The following SCN3A variants were observed in gnomAD, a reference collection of about 807,000 sequenced individuals.
SCN3A encodes sodium voltage-gated channel alpha subunit 3, also known as sodium channel protein type 3 subunit alpha.
Under a neutral mutation model 187.6 loss-of-function variants are expected in SCN3A, and 60 were observed. The ratio of observed to expected loss-of-function variants is 0.32; its 90% CI spans 0.26 to 0.40. The LOEUF is 0.40. Ranked by LOEUF, SCN3A falls within the 10% of genes least tolerant of loss-of-function variation. The pLI, the probability that SCN3A is intolerant of heterozygous loss-of-function variation, is 1.00. For missense variants in SCN3A, 1,601 were observed against 2,428.2 expected, an observed-to-expected ratio of 0.66 and a Z score of 7.16; for synonymous variants, 788 against 829.2, an observed-to-expected ratio of 0.95 and a Z score of 0.85.
rs560123974 is a variant in SCN3A at position 165,105,424 on chromosome 2, G to A, written c.3844-5000C>T. Among the ~76,000 whole-genome samples the A allele has an allele frequency of 9.2e-5, 14 of 152,166 alleles. No homozygotes were observed. In the South Asian group the frequency reaches 2.7e-3, roughly 29 times the overall value. On this transcript the variant is annotated intron_variant, in intron 21 of 27. Coordinates refer to ENST00000283254, the MANE Select transcript of SCN3A (RefSeq NM_006922.4). Reference sequence around the variant, plus strand: ...AGTATTTCTTAGGACAAGGGCACCCGGAATTTCAGATTGCTAGCTGCACAC... The same window carrying A: ...AGTATTTCTTAGGACAAGGGCACCCAGAATTTCAGATTGCTAGCTGCACAC...
intron 8 of SCN3A, 53 bp downstream of exon 8, chr2:165,162,503 A>C (rs1162324933): frequency 1.9e-5 from 30 of 1,609,444 alleles, no homozygotes; most frequent in Non-Finnish European, 6.8e-6. Context: ...AACTATTTAT[A>C]GTTGAAAATT....
Position 165,100,505 on chromosome 2 carries a change from T to C in SCN3A, c.3844-81A>G. The C allele has an allele frequency of 4.2e-6, 6 of 1,431,836 alleles. No individual in the cohort carries two copies. In the Admixed American group the frequency reaches 7.6e-5, roughly 18 times the overall value. 88.7% of individuals were successfully genotyped at this position (1,431,836 alleles called of 1,614,324 possible). On this transcript the variant is annotated intron_variant, in intron 21 of 27. Transcript: ENST00000283254. ...GGTATAGGGTGTGGTATCTATTTAA[T>C]GCAGACTAAATACTAATTTGGACAT...
Position 165,131,426 on chromosome 2 carries a change from TAG to T in SCN3A, c.2392-11_2392-10del. ...AAAATCCCAGTAAAGACCTAAAAAA[TAG>T]AGATCAGCACTACTTCAAGAGCACT... is the stretch of plus-strand genomic sequence containing the variant. On this transcript the variant is annotated splice_polypyrimidine_tract_variant and intron_variant, in intron 15 of 27. Coordinates refer to ENST00000283254, the MANE Select transcript of SCN3A (RefSeq NM_006922.4). 1.2e-6 allele frequency: 2 copies of T among 1,601,018 alleles called. No homozygotes were observed. The highest frequency in any genetic ancestry group is 1.7e-6 in the Non-Finnish European group (2 of 1,171,908).
intron 12 of SCN3A, among the ~76,000 whole-genome samples, chr2:165,144,610 A>G (rs1241302117): frequency 6.6e-6 from 1 of 152,146 alleles, no homozygotes; most frequent in Non-Finnish European, 1.5e-5. Flanking sequence ...AATCTTTCCC[A>G]AAATGTCTTA....
chr2:165,168,755 C>T lies in SCN3A; in HGVS notation c.454G>A (p.Asp152Asn). 4 of 1,610,542 alleles carry T rather than the reference C, an allele frequency of 2.5e-6. No individual in the cohort carries two copies. Among genetic ancestry groups the T allele is most frequent in the Non-Finnish European group, 3.4e-6 (4 of 1,176,990 alleles). Reference sequence around the variant, plus strand: ...ACTTACTCTACATTCTTTGTCCAGTCAGGAGGGTTGCTCAAGGTCATAAAT... The same window carrying T: ...ACTTACTCTACATTCTTTGTCCAGTTAGGAGGGTTGCTCAAGGTCATAAAT... ...CVFMTLSNPP[D>N]WTKNVEYTFT... The change falls in exon 5 of 28, where the codon GAC becomes AAC. Residue 152 changes from aspartate (D) to asparagine (N), a missense_variant. Coordinates refer to ENST00000283254, the MANE Select transcript of SCN3A (RefSeq NM_006922.4).
intron 18 of SCN3A, among the ~76,000 whole-genome samples, chr2:165,121,152 A>G (rs1200050165): frequency 3.3e-5 from 5 of 152,058 alleles, no homozygotes; most frequent in African/African-American, 9.7e-5. Context: ...TCACACACCC[A>G]TCTGCTCCTC....
intron 18 of SCN3A, among the ~76,000 whole-genome samples, chr2:165,123,753 T>C (rs1394291324): frequency 3.3e-5 from 5 of 152,182 alleles, no homozygotes; most frequent in Admixed American, 3.3e-4. Flanking sequence ...GCACCTGAAG[T>C]ATGCTAGCAG....
At position 165,154,645 on chromosome 2, in the gene SCN3A, G is replaced by A. The variant is rs1688905664; in HGVS notation, c.1187C>T (p.Ala396Val). The A allele has an allele frequency of 1.2e-6, 2 of 1,613,824 alleles. No individual in the cohort carries two copies. Among genetic ancestry groups the A allele is most frequent in the Non-Finnish European group, 1.7e-6 (2 of 1,179,756 alleles). The change falls in exon 11 of 28, where the codon GCT becomes GTT. Residue 396 changes from alanine to valine, a missense_variant. Physicochemically the swap from Ala to Val is moderately conservative, Grantham distance 64 (BLOSUM62 0). Coordinates refer to ENST00000283254, the MANE Select transcript of SCN3A (RefSeq NM_006922.4). ...ENLYQLTLRA[A>V]GKTYMIFFVL... ...AAAAAATATCATGTATGTTTTCCCA[G>A]CAGCACGTAATGTCTAGGGGAAATG... is the stretch of plus-strand genomic sequence containing the variant.
At chr2:165,163,309 C>T (rs1003174936) in intron 7 of SCN3A, among the ~76,000 whole-genome samples, 2 of 151,846 alleles carry the variant, frequency 1.3e-5, no homozygotes, top group African/African-American at 4.8e-5. Context: ...ACATCTGCAG[C>T]GAATGGTAAA....
At chr2:165,189,189 C>T (rs984706556) in intron 1 of SCN3A, among the ~76,000 whole-genome samples, 3 of 152,102 alleles carry the variant, frequency 2.0e-5, no homozygotes, top group Non-Finnish European at 4.4e-5. Flanking sequence ...AAGAACTAAA[C>T]TGAAGGGTGG....
At chr2:165,149,245 G>A (rs186395736) in intron 11 of SCN3A, among the ~76,000 whole-genome samples, 23 of 151,604 alleles carry the variant, frequency 1.5e-4, no homozygotes, top group African/African-American at 4.1e-4. Context: ...GCATGATCTC[G>A]GCTCACTGCA....
rs756123409 is a variant in SCN3A, at chr2:165,163,812, A to G, written c.603-103T>C. 12 of 1,613,888 alleles carry G rather than the reference A, an allele frequency of 7.4e-6. 1 individual carries two copies. In the South Asian group the frequency reaches 1.2e-4, roughly 16 times the overall value. ...CCAGTTTCTTCTTACCTGGAATTACAGAAATAGTTTTCAGAGCTCTCAAGA... is the reference window on the plus strand; with the variant it reads ...CCAGTTTCTTCTTACCTGGAATTACGGAAATAGTTTTCAGAGCTCTCAAGA... On this transcript the variant is annotated intron_variant, in intron 6 of 27. Coordinates refer to ENST00000283254, the MANE Select transcript of SCN3A (RefSeq NM_006922.4).
rs755166075 is a variant in SCN3A, at chr2:165,158,272, C to T, written c.1032-2369G>A. Among the ~76,000 whole-genome samples the T allele has an allele frequency of 2.1e-5, 2 of 96,616 alleles. 1 individual carries two copies. Among genetic ancestry groups the T allele is most frequent in the African/African-American group, 1.1e-4 (2 of 17,914 alleles). 63.4% of individuals were successfully genotyped at this position (96,616 alleles called of 152,430 possible). A position where few individuals can be genotyped will look rare whatever the true frequency, so the allele number is the denominator to read the frequency against. Reference sequence around the variant, plus strand: ...CTTTTACCTTTAGTCTTACAGACTCCACTCATTTCCAAAGTTACTTAGGTT... The same window carrying T: ...CTTTTACCTTTAGTCTTACAGACTCTACTCATTTCCAAAGTTACTTAGGTT... On this transcript the variant is annotated intron_variant, in intron 9 of 27. Coordinates refer to ENST00000283254, the MANE Select transcript of SCN3A (RefSeq NM_006922.4).
chr2:165,117,951 G>A (rs1279176031), intron 18 of SCN3A, among the ~76,000 whole-genome samples: 1 of 151,990 alleles, frequency 6.6e-6, no homozygotes, highest in Non-Finnish European at 1.5e-5. Context: ...TATTCTGCAG[G>A]TGTCTTATGT....
At chr2:165,169,025 C>T (rs1178658530) in intron 4 of SCN3A, among the ~76,000 whole-genome samples, 200 bp from the exon 5 acceptor site, 1 of 151,718 alleles carries the variant, frequency 6.6e-6, no homozygotes, top group Non-Finnish European at 1.5e-5. Context: ...ACCATATACT[C>T]ACAAAACTGA....
intron 9 of SCN3A, among the ~76,000 whole-genome samples, chr2:165,156,524 A>AAAAAAAAAAAAAAAAAAT (rs1689053907): frequency 7.1e-5 from 1 of 14,034 alleles, no homozygotes; most frequent in Non-Finnish European, 1.2e-4. Context: ...AAAAAAAAAA[A>AAAAAAAAAAAAAAAAAAT]AAAAAAAAAA....
intron 21 of SCN3A, among the ~76,000 whole-genome samples, chr2:165,112,169 G>A (rs1012636892): frequency 3.6e-4 from 55 of 152,214 alleles, no homozygotes; most frequent in African/African-American, 1.3e-3. Context: ...CAAGGAATCA[G>A]AGGACTGTCA....
chr2:165,100,397 C>T lies in SCN3A; in HGVS notation c.3871G>A (p.Ala1291Thr), dbSNP rs1474459527. Residue 1291 changes from alanine (A) to threonine (T), a missense_variant, in exon 22 of 28, where the codon GCT becomes ACT. Physicochemically the swap from Ala to Thr is moderately conservative, Grantham distance 58. Around this residue, in one of 11 missense-constraint regions of SCN3A, gnomAD observed 320 missense variants for 623.2 expected, o/e 0.51. Transcript: ENST00000283254. ...GCACCGAGTTCTGAGTAGCCAAGAG[C>T]ATTGGCTACCAGGCTAACCAAAGAA... ...DVSLVSLVAN[A>T]LGYSELGAIK... 2 of 1,613,374 alleles carry T rather than the reference C, an allele frequency of 1.2e-6. No homozygotes were observed. Among genetic ancestry groups the T allele is most frequent in the Non-Finnish European group, 8.5e-7 (1 of 1,179,490 alleles).
At chr2:165,120,339 G>A (rs577908499) in intron 18 of SCN3A, among the ~76,000 whole-genome samples, 68 of 151,798 alleles carry the variant, frequency 4.5e-4, no homozygotes, top group South Asian at 2.3e-3. Context: ...ACCATTCCCC[G>A]CCGCCCAATA....
Sources: allele counts gnomAD v4.1 joint callset (sites outside exome capture counted in the v4.1 genomes callset), GRCh38; gene constraint gnomAD v4.1.1; regional missense constraint gnomAD v4.1.1; transcripts MANE v1.5; gene names NCBI Gene and HGNC (gene_info 2026-07-23, HGNC 2026-07-21).